The following ZNF564 variants were observed in gnomAD, a reference collection of about 807,000 sequenced individuals.
ZNF564 encodes zinc finger protein 564.
A neutral mutation model predicts 10.5 loss-of-function variants in ZNF564; 5 were observed. The ratio of observed to expected loss-of-function variants is 0.48; its 90% CI spans 0.25 to 1.00. The LOEUF is 1.00. ZNF564 is among the 50% of genes least tolerant of loss of function. The probability of loss-of-function intolerance (pLI) is 0.16; values close to 1 mark genes in which losing one functional copy is unlikely to be tolerated. For synonymous variants in ZNF564, 242 were observed against 218.1 expected (o/e 1.11, Z -0.97); for missense variants, 603 against 669.7 (o/e 0.90, Z 1.10).
chr19:12,528,237 A>C (rs1273856237), intron 3 of ZNF564, 67 bp downstream of exon 3: 1 of 1,432,176 alleles, frequency 7.0e-7, no homozygotes, highest in Non-Finnish European at 9.6e-7. Context: ...TGGTTTGTTT[A>C]CTTATTTTTA....
intron 1 of ZNF564, among the ~76,000 whole-genome samples, chr19:12,545,493 C>T (rs969143472): frequency 5.9e-5 from 9 of 152,072 alleles, no homozygotes; most frequent in Non-Finnish European, 1.2e-4. Context: ...TCTGACACCA[C>T]TCAGAATTAG....
intron 1 of ZNF564, chr19:12,550,531 C>G (rs532134575): frequency 2.7e-4 from 70 of 261,626 alleles, no homozygotes; most frequent in Admixed American, 1.3e-3. Flanking sequence ...CGGCGCATGC[C>G]TGTAATCCCA....
intron 1 of ZNF564, among the ~76,000 whole-genome samples, chr19:12,534,625 C>T (rs1382598337): frequency 1.3e-5 from 2 of 152,088 alleles, no homozygotes; most frequent in African/African-American, 2.4e-5. Context: ...ACCCGCCTGG[C>T]CAACATGGTG....
At chr19:12,541,930 G>A (rs114372217) in intron 1 of ZNF564, among the ~76,000 whole-genome samples, 1,761 of 147,322 alleles carry the variant, frequency 0.012, 34 homozygotes, top group African/African-American at 0.042. Flanking sequence ...CCGAGGAATC[G>A]CTTGAACCCG....
intron 1 of ZNF564, among the ~76,000 whole-genome samples, chr19:12,537,338 CTTT>C (rs2021935808): frequency 6.6e-6 from 1 of 152,092 alleles, no homozygotes; most frequent in Admixed American, 6.6e-5. Context: ...ACTTTTTCTT[CTTT>C]TTATTATTCC....
At chr19:12,539,675 C>CAA (rs202185038) in intron 1 of ZNF564, among the ~76,000 whole-genome samples, 52 of 100,720 alleles carry the variant, frequency 5.2e-4, no homozygotes, top group African/African-American at 1.6e-3. Context: ...CTCAAAAAGA[C>CAA]AAAAAAGAAA....
At chr19:12,532,530 G>T (rs1342356163) in intron 1 of ZNF564, among the ~76,000 whole-genome samples, 1 of 83,402 alleles carries the variant, frequency 1.2e-5, no homozygotes, top group African/African-American at 6.3e-5. Flanking sequence ...GCGAGACTCC[G>T]TCTCAAAAAA....
Position 12,544,556 on chromosome 19 carries a change from C to G in ZNF564, c.3+6774G>C, listed in dbSNP as rs142983700. Among the ~76,000 whole-genome samples the G allele has an allele frequency of 1.1e-3, 169 of 152,272 alleles. 1 individual carries two copies. The highest frequency in any genetic ancestry group is 3.8e-3 in the African/African-American group (157 of 41,554). On this transcript the variant is annotated intron_variant, in intron 1 of 3. Transcript: ENST00000339282. Reference sequence around the variant, plus strand: ...AATCCAGTTATCTGCCTTACACAGCCGCCTCCCTGTGACCACCTCCGCATG... The same window carrying G: ...AATCCAGTTATCTGCCTTACACAGCGGCCTCCCTGTGACCACCTCCGCATG...
intron 1 of ZNF564, among the ~76,000 whole-genome samples, chr19:12,543,218 C>T (rs1222488957): frequency 6.7e-6 from 1 of 150,196 alleles, no homozygotes; most frequent in Non-Finnish European, 1.5e-5. Context: ...AGGAGAATGG[C>T]TTGAACCCAG....
chr19:12,535,468 G>C (rs1012371437), intron 1 of ZNF564, among the ~76,000 whole-genome samples: 2 of 152,164 alleles, frequency 1.3e-5, no homozygotes, highest in Non-Finnish European at 2.9e-5. Flanking sequence ...TTCTGCAAAA[G>C]ACAAAACTAT....
At position 12,527,738 on chromosome 19, in the gene ZNF564, A is replaced by G; in HGVS notation, c.370T>C (p.Ser124Pro). Reference protein sequence around the residue: ...HHSSLSRHIRSHLGHKPYDYQ... With the variant: ...HHSSLSRHIRPHLGHKPYDYQ... ...TCATATGGTTTGTGTCCAAGGTGAG[A>G]TCTGATGTGCCTACTAAGGGATGAA... Residue 124 changes from serine (S) to proline (P), a missense_variant, in exon 4 of 4, where the codon TCT becomes CCT. Physicochemically the swap from Ser to Pro is moderately conservative, Grantham distance 74. Coordinates refer to ENST00000339282, the MANE Select transcript of ZNF564 (RefSeq NM_144976.4). The G allele has an allele frequency of 6.2e-7, 1 of 1,614,040 alleles. No homozygotes were observed. The highest frequency in any genetic ancestry group is 8.5e-7 in the Non-Finnish European group (1 of 1,180,022).
Position 12,539,949 on chromosome 19 carries a change from C to G in ZNF564, c.4-11253G>C, listed in dbSNP as rs1244799765. Among the ~76,000 whole-genome samples, 11 of 151,336 alleles carry G rather than the reference C, an allele frequency of 7.3e-5. 2 individuals carry two copies. The South Asian group carries it at 1.9e-3, about 26-fold the overall frequency. ...TGAGCCGAGATCGCGCCACTGCACTCCAGCCTGGGTAACAGAACGAGACTC... is the reference window on the plus strand; with the variant it reads ...TGAGCCGAGATCGCGCCACTGCACTGCAGCCTGGGTAACAGAACGAGACTC... On this transcript the variant is annotated intron_variant, in intron 1 of 3. Transcript: ENST00000339282.
intron 1 of ZNF564, among the ~76,000 whole-genome samples, chr19:12,537,169 CTGGA>C (rs2021932217): frequency 6.6e-6 from 1 of 152,194 alleles, no homozygotes; most frequent in Admixed American, 6.5e-5. Context: ...TTATATTCCA[CTGGA>C]TGGATATTAC....
At position 12,526,597 on chromosome 19, in the gene ZNF564, G is replaced by A. The variant is rs776818569; in HGVS notation, c.1511C>T (p.Pro504Leu). The change falls in exon 4 of 4, where the codon CCC becomes CTC. Residue 504 changes from proline to leucine, a missense_variant. Physicochemically the swap from Pro to Leu is moderately conservative, Grantham distance 98. Coordinates refer to ENST00000339282, the MANE Select transcript of ZNF564 (RefSeq NM_144976.4). Reference protein sequence around the residue: ...IHERTHTGEKPYECKQCGKTF... With the variant: ...IHERTHTGEKLYECKQCGKTF... ...TTTTCCACATTGCTTACATTCATAG[G>A]GTTTTTCTCCGGTATGAGTTCTTTC... The A allele has an allele frequency of 1.2e-6, 2 of 1,613,948 alleles. No individual in the cohort carries two copies. Among genetic ancestry groups the A allele is most frequent in the Admixed American group, 1.7e-5 (1 of 59,990 alleles).
At chr19:12,548,917 A>T in intron 1 of ZNF564, 1 of 701,170 alleles carries the variant, frequency 1.4e-6, no homozygotes, top group East Asian at 2.7e-5. Context: ...TTAATGTGGA[A>T]ATGTATTCGT....
chr19:12,532,275 C>T (rs1184972408), intron 1 of ZNF564, among the ~76,000 whole-genome samples: 1 of 151,530 alleles, frequency 6.6e-6, no homozygotes, highest in African/African-American at 2.4e-5. Context: ...GTGGCTCACA[C>T]CTGTAATCCC....
intron 1 of ZNF564, among the ~76,000 whole-genome samples, chr19:12,531,529 T>G (rs1314470124): frequency 1.3e-5 from 2 of 151,658 alleles, no homozygotes; most frequent in Admixed American, 1.3e-4. Flanking sequence ...ATTGTGCCAC[T>G]GCACTCCAGC....
intron 1 of ZNF564, among the ~76,000 whole-genome samples, chr19:12,534,643 G>A (rs1304127818): frequency 2.0e-5 from 3 of 151,980 alleles, no homozygotes; most frequent in African/African-American, 7.3e-5. Context: ...GTGAAACCTT[G>A]TCTCTACTAA....
chr19:12,541,872 G>A (rs545978100), intron 1 of ZNF564, among the ~76,000 whole-genome samples: 23 of 151,624 alleles, frequency 1.5e-4, no homozygotes, highest in African/African-American at 5.6e-4. Context: ...AAAATTAGCT[G>A]GGCGTAGTGG....
Sources: allele counts gnomAD v4.1 joint callset (sites outside exome capture counted in the v4.1 genomes callset), GRCh38; gene constraint gnomAD v4.1.1; transcripts MANE v1.5; gene names NCBI Gene and HGNC (gene_info 2026-07-23, HGNC 2026-07-21).